Variants in RBM18 observed in about 807,000 individuals in gnomAD.
RBM18 encodes probable RNA-binding protein 18.
RBM18 carries 18 observed loss-of-function variants against 26.4 expected under a neutral mutation model. The ratio of observed to expected loss-of-function variants is 0.68; its 90% CI spans 0.47 to 1.01. RBM18 has a LOEUF of 1.01. RBM18 is among the 50% of genes least tolerant of loss of function. The pLI is 0.00. For synonymous variants in RBM18, 74 were observed against 81.1 expected (o/e 0.91, Z 0.47); for missense variants, 180 against 219.2 (o/e 0.82, Z 1.13).
At position 122,241,106 on chromosome 9, in the gene RBM18, T is replaced by C. The variant is rs1421312686; in HGVS notation, c.*778A>G. 2 of 152,202 alleles carry C rather than the reference T, an allele frequency of 1.3e-5. No individual in the cohort carries two copies. Among genetic ancestry groups the C allele is most frequent in the African/African-American group, 2.4e-5 (1 of 41,452 alleles). 9.4% of individuals were successfully genotyped at this position (152,202 alleles called of 1,614,324 possible). Reference sequence around the variant, plus strand: ...AATAAATGTAATTTTAAAAGTCCCATGATAATAGCAACATTTGTTATTATA... The same window carrying C: ...AATAAATGTAATTTTAAAAGTCCCACGATAATAGCAACATTTGTTATTATA... On this transcript the variant is annotated 3_prime_UTR_variant, in exon 6 of 6. Coordinates refer to ENST00000417201, the MANE Select transcript of RBM18 (RefSeq NM_033117.4).
At chr9:122,255,993 TGC>T (rs1292473775) in intron 2 of RBM18, among the ~76,000 whole-genome samples, 4 of 151,944 alleles carry the variant, frequency 2.6e-5, no homozygotes, top group African/African-American at 9.7e-5. Flanking sequence ...ATTGAGCCAC[TGC>T]ACCCCAGCCT....
rs1234657364 is a variant in RBM18, at chr9:122,238,962, G to A, written c.*2922C>T. Reference sequence around the variant, plus strand: ...GGATTTGTTGAAGAACTAGATAGGAGCTGGAGAGAAAAAGAGAAAACAGGG... The same window carrying A: ...GGATTTGTTGAAGAACTAGATAGGAACTGGAGAGAAAAAGAGAAAACAGGG... On this transcript the variant is annotated 3_prime_UTR_variant, in exon 6 of 6. Coordinates refer to ENST00000417201, the MANE Select transcript of RBM18 (RefSeq NM_033117.4). The A allele has an allele frequency of 6.6e-6, 1 of 152,102 alleles. No homozygotes were observed. Among genetic ancestry groups the A allele is most frequent in the Admixed American group, 6.5e-5 (1 of 15,272 alleles). 9.4% of individuals were successfully genotyped at this position (152,102 alleles called of 1,614,324 possible).
chr9:122,254,334 T>C, intron 2 of RBM18: 1 of 958,356 alleles, frequency 1.0e-6, no homozygotes, highest in Non-Finnish European at 1.2e-6. Context: ...GGATTTCTTT[T>C]CTTGTTTGAT....
At position 122,250,069 on chromosome 9, in the gene RBM18, A is replaced by AAAAAAAAAAAAG. The variant is rs1308231753; in HGVS notation, c.240+1766_240+1777dup. Among the ~76,000 whole-genome samples, 4 of 8,422 alleles carry AAAAAAAAAAAAG rather than the reference A, an allele frequency of 4.7e-4. 1 individual carries two copies. The South Asian group carries it at 0.038, about 79-fold the overall frequency. 5.5% of individuals were successfully genotyped at this position (8,422 alleles called of 152,430 possible). A position where few individuals can be genotyped will look rare whatever the true frequency, so the allele number is the denominator to read the frequency against. On this transcript the variant is annotated intron_variant, in intron 3 of 5. Coordinates refer to ENST00000417201, the MANE Select transcript of RBM18 (RefSeq NM_033117.4). ...TGGGTAACAGAGCAAGACCTTATTT[A>AAAAAAAAAAAAG]AAAAAAAAAAAGAATGCTAATTCTA...
Position 122,261,254 on chromosome 9 carries a change from C to T in RBM18, c.113+126G>A, listed in dbSNP as rs553174349. On this transcript the variant is annotated intron_variant, in intron 2 of 5. Transcript: ENST00000417201. ...ATAACAGGCTAACAACATCTTATCT[C>T]TCCGAAGACACGATGTAAGTAAAAG... 97 of 669,844 alleles carry T rather than the reference C, an allele frequency of 1.4e-4. No individual in the cohort carries two copies. In the Middle Eastern group the frequency reaches 3.2e-3, roughly 22 times the overall value. 41.5% of individuals were successfully genotyped at this position (669,844 alleles called of 1,614,324 possible). A position where few individuals can be genotyped will look rare whatever the true frequency, so the allele number is the denominator to read the frequency against.
chr9:122,243,171 T>G (rs796210924), intron 5 of RBM18, among the ~76,000 whole-genome samples: 32 of 152,124 alleles, frequency 2.1e-4, no homozygotes, highest in African/African-American at 7.2e-4. Context: ...GGAGTCTCAC[T>G]ATGTTGTCCA....
chr9:122,257,906 TGGA>T (rs1260188229), intron 2 of RBM18, among the ~76,000 whole-genome samples: 1 of 152,110 alleles, frequency 6.6e-6, no homozygotes, highest in East Asian at 1.9e-4. Context: ...ACAGGAAAGC[TGGA>T]GGATGCTCTG....
chr9:122,245,395 C>T (rs376220696), intron 4 of RBM18, 54 bp from the exon 5 acceptor site: 12 of 1,114,682 alleles, frequency 1.1e-5, no homozygotes, highest in South Asian at 5.0e-5. Flanking sequence ...CAGCCCTTTA[C>T]TGTAGTGGAT....
At chr9:122,255,588 A>G (rs1456760144) in intron 2 of RBM18, among the ~76,000 whole-genome samples, 3 of 152,102 alleles carry the variant, frequency 2.0e-5, no homozygotes, top group African/African-American at 7.2e-5. Flanking sequence ...TATATTCCTC[A>G]GGCAAGAAAC....
intron 4 of RBM18, among the ~76,000 whole-genome samples, chr9:122,246,870 T>C (rs939508884): frequency 3.3e-5 from 5 of 152,130 alleles, no homozygotes; most frequent in African/African-American, 1.2e-4. Flanking sequence ...GTCAACACAC[T>C]TTACCACCTC....
In RBM18 at chr9:122,237,931, TTTTG is replaced by T. The variant is rs879292777; in HGVS notation, c.*3949_*3952del. 2 of 152,112 alleles carry T rather than the reference TTTTG, an allele frequency of 1.3e-5. No individual in the cohort carries two copies. The highest frequency in any genetic ancestry group is 2.9e-5 in the Non-Finnish European group (2 of 68,016). 9.4% of individuals were successfully genotyped at this position (152,112 alleles called of 1,614,324 possible). On this transcript the variant is annotated 3_prime_UTR_variant, in exon 6 of 6. Transcript: ENST00000417201. ...TTCATGTCACAATATAGTATATATA[TTTTG>T]TTTACTTTTTTTCTCAACCACTCGA...
chr9:122,255,910 G>A (rs1332959785), intron 2 of RBM18, among the ~76,000 whole-genome samples: 1 of 151,814 alleles, frequency 6.6e-6, no homozygotes, highest in African/African-American at 2.4e-5. Flanking sequence ...GAGGTGGGAG[G>A]ATTGCCTGAG....
rs767489161 is a variant in RBM18 at position 122,245,302 on chromosome 9, T to C, written c.367A>G (p.Ser123Gly). ...TCAGTGCTTGAGGATGGCTCGAGAC[T>C]GATTGGAAGAATCTTATCATTCTTG... ...HNKNDKILPISLEPSSSTEPT... is the reference protein window; with the variant it reads ...HNKNDKILPIGLEPSSSTEPT... Residue 123 changes from serine to glycine, a missense_variant, in exon 5 of 6, where the codon AGT becomes GGT. Ser to Gly is a moderately conservative substitution (Grantham distance 56, BLOSUM62 0). Coordinates refer to ENST00000417201, the MANE Select transcript of RBM18 (RefSeq NM_033117.4). 1.9e-6 allele frequency: 3 copies of C among 1,611,034 alleles called. No homozygotes were observed. Among genetic ancestry groups the C allele is most frequent in the Middle Eastern group, 3.3e-4 (2 of 6,052 alleles).
intron 3 of RBM18, among the ~76,000 whole-genome samples, chr9:122,250,134 GAAC>G (rs1260738780): frequency 6.8e-6 from 1 of 148,070 alleles, no homozygotes; most frequent in Non-Finnish European, 1.5e-5. Context: ...CAAAATACTT[GAAC>G]AATTAGAGTA....
intron 4 of RBM18, 43 bp from the exon 5 acceptor site, chr9:122,245,384 C>A: frequency 2.3e-6 from 3 of 1,281,596 alleles, no homozygotes; most frequent in Non-Finnish European, 3.4e-6. Flanking sequence ...TGGGCAGAAA[C>A]CAGCCCTTTA....
chr9:122,243,151 T>C (rs1481542976), intron 5 of RBM18, among the ~76,000 whole-genome samples: 1 of 151,858 alleles, frequency 6.6e-6, no homozygotes, highest in Non-Finnish European at 1.5e-5. Flanking sequence ...TTAACTTTTT[T>C]TGTAGAGATG....
chr9:122,247,454 C>T, intron 4 of RBM18, 64 bp downstream of exon 4: 1 of 1,391,900 alleles, frequency 7.2e-7, no homozygotes, highest in Non-Finnish European at 1.0e-6. Flanking sequence ...GGTAAGTGGA[C>T]AACCATCTTT....
intron 2 of RBM18, among the ~76,000 whole-genome samples, chr9:122,258,597 CAATTT>C (rs938765957): frequency 6.6e-6 from 1 of 151,184 alleles, no homozygotes; most frequent in Non-Finnish European, 1.5e-5. Flanking sequence ...AAATTTATTA[CAATTT>C]AATAAACCAG....
intron 4 of RBM18, among the ~76,000 whole-genome samples, 155 bp from the exon 5 acceptor site, chr9:122,245,496 A>C (rs537403022): frequency 2.0e-5 from 3 of 152,288 alleles, no homozygotes; most frequent in African/African-American, 7.2e-5. Flanking sequence ...GAAAAACTTC[A>C]CATGGTTTTG....
Sources: allele counts gnomAD v4.1 joint callset (sites outside exome capture counted in the v4.1 genomes callset), GRCh38; gene constraint gnomAD v4.1.1; transcripts MANE v1.5; gene names NCBI Gene and HGNC (gene_info 2026-07-23, HGNC 2026-07-21).